Variants in WBP2NL observed in about 807,000 individuals in gnomAD.
The protein encoded by WBP2NL is WBP2 N-terminal like.
Under a neutral mutation model 23.3 loss-of-function variants are expected in WBP2NL, and 27 were observed. That is an observed-to-expected ratio of 1.16 (90% confidence interval 0.85 to 1.60). The LOEUF (loss-of-function observed/expected upper bound fraction) is 1.60. Among genes scored for constraint, WBP2NL ranks in the 40% most tolerant of loss-of-function variants. WBP2NL has a pLI of 0.00. For synonymous variants in WBP2NL, 151 were observed against 145.9 expected (o/e 1.03, Z -0.25); for missense variants, 370 against 389.5 (o/e 0.95, Z 0.42).
downstream of WBP2NL, chr22:42,032,363 T>C: frequency 6.2e-6 from 1 of 162,152 alleles, no homozygotes; most frequent in African/African-American, 2.4e-5. Context: ...TCCTTATCCT[T>C]GAGAGTCTGA....
chr22:42,021,868 C>T (rs1924010930), intron 4 of WBP2NL, among the ~76,000 whole-genome samples: 1 of 149,860 alleles, frequency 6.7e-6, no homozygotes, highest in Admixed American at 6.7e-5. Flanking sequence ...ACAGATAAGG[C>T]TCACTGCAGC....
At chr22:42,026,034 G>A (rs1453567857) in intron 5 of WBP2NL, among the ~76,000 whole-genome samples, 1 of 152,116 alleles carries the variant, frequency 6.6e-6, no homozygotes, top group Non-Finnish European at 1.5e-5. Context: ...CACTTTGGGA[G>A]GCCGAGGCGG....
At chr22:42,006,653 C>T (rs1196302078) in intron 1 of WBP2NL, among the ~76,000 whole-genome samples, 1 of 152,212 alleles carries the variant, frequency 6.6e-6, no homozygotes, top group Non-Finnish European at 1.5e-5. Context: ...TAGGGATGGA[C>T]TAAATGGCTT....
chr22:42,022,009 A>T (rs1924024133), intron 4 of WBP2NL, among the ~76,000 whole-genome samples: 1 of 152,032 alleles, frequency 6.6e-6, no homozygotes, highest in African/African-American at 2.4e-5. Flanking sequence ...CATGTTGCCC[A>T]GGCTGGTCTT....
intron 1 of WBP2NL, among the ~76,000 whole-genome samples, chr22:42,002,419 AC>A: frequency 6.6e-6 from 1 of 152,170 alleles, no homozygotes; most frequent in Admixed American, 6.5e-5. Flanking sequence ...CCCTGTCCCT[AC>A]TAAAAATACA....
downstream of WBP2NL, among the ~76,000 whole-genome samples, chr22:42,033,954 C>T (rs1370582444): frequency 1.3e-5 from 2 of 152,248 alleles, no homozygotes; most frequent in Admixed American, 1.3e-4. Flanking sequence ...CCTCCCTGGC[C>T]TGAAGGTGTG....
intron 1 of WBP2NL, among the ~76,000 whole-genome samples, chr22:42,018,706 T>C (rs1923577578): frequency 6.6e-6 from 1 of 152,002 alleles, no homozygotes; most frequent in South Asian, 2.1e-4. Context: ...GCTTTACACT[T>C]ACCGCACAAG....
At chr22:42,004,666 G>A (rs531384852) in intron 1 of WBP2NL, among the ~76,000 whole-genome samples, 1 of 152,308 alleles carries the variant, frequency 6.6e-6, no homozygotes, top group East Asian at 1.9e-4. Flanking sequence ...GCTCACGGTT[G>A]TAATCCCAGC....
intron 8 of WBP2NL, among the ~76,000 whole-genome samples, chr22:42,038,023 A>G (rs975143094): frequency 1.3e-5 from 2 of 152,176 alleles, no homozygotes; most frequent in Non-Finnish European, 2.9e-5. Flanking sequence ...ATTAACAGTG[A>G]TAAGAGTGAG....
Position 42,019,780 on chromosome 22 carries a change from G to T in WBP2NL, c.290G>T (p.Gly97Val). The change falls in exon 3 of 6, where the codon GGA becomes GTA. Residue 97 changes from glycine (G) to valine (V), a missense_variant. By Grantham distance (109) the Gly-to-Val change is moderately radical. Transcript: ENST00000328823. ...QPVFAANFIK[G>V]TIQAAPYGGW... ...GTATTTGCTGCAAACTTCATTAAGG[G>T]AACTATTCAGGCAGCTCCATATGGT... 1 of 1,614,142 alleles carries T rather than the reference G, an allele frequency of 6.2e-7. No individual in the cohort carries two copies. Among genetic ancestry groups the T allele is most frequent in the Non-Finnish European group, 8.5e-7 (1 of 1,180,016 alleles).
chr22:42,038,695 C>T (rs899642202), intron 8 of WBP2NL, among the ~76,000 whole-genome samples: 8 of 151,524 alleles, frequency 5.3e-5, no homozygotes, highest in Non-Finnish European at 7.4e-5. Flanking sequence ...CTCCGTCTCC[C>T]GGGTTCACGC....
intron 8 of WBP2NL, among the ~76,000 whole-genome samples, chr22:42,053,369 GTT>G (rs2146826007): frequency 6.6e-6 from 1 of 152,142 alleles, no homozygotes; most frequent in East Asian, 1.9e-4. Context: ...TGGTAACTCT[GTT>G]TAACATTTTG....
At chr22:42,048,386 C>CAA (rs112746719) in intron 8 of WBP2NL, among the ~76,000 whole-genome samples, 8 of 133,316 alleles carry the variant, frequency 6.0e-5, no homozygotes, top group African/African-American at 1.9e-4. Flanking sequence ...GACTCCATCT[C>CAA]AAAAAAAAAA....
downstream of WBP2NL, chr22:42,031,208 G>A (rs962591387): frequency 2.0e-5 from 3 of 152,184 alleles, no homozygotes. Flanking sequence ...CCCACTGTCT[G>A]GTACAGTTGT....
At chr22:42,009,668 GGTTT>G (rs1235638663) in intron 1 of WBP2NL, among the ~76,000 whole-genome samples, 3 of 152,026 alleles carry the variant, frequency 2.0e-5, no homozygotes, top group Admixed American at 6.6e-5. Flanking sequence ...CTAGTCCATT[GGTTT>G]GTTTATCTTT....
At chr22:42,032,071 A>G (rs1486437718), downstream of WBP2NL, 1 of 152,228 alleles carries the variant, frequency 6.6e-6, no homozygotes, top group African/African-American at 2.4e-5. Context: ...TCTGTTACCA[A>G]GATCCCCACC....
chr22:42,034,345 G>A (rs1290482070), downstream of WBP2NL, among the ~76,000 whole-genome samples: 5 of 152,162 alleles, frequency 3.3e-5, no homozygotes, highest in Non-Finnish European at 5.9e-5. Context: ...CTGGGCATCC[G>A]GGGGAGACAT....
At chr22:42,025,188 C>T (rs1602465141) in intron 5 of WBP2NL, among the ~76,000 whole-genome samples, 2 of 152,120 alleles carry the variant, frequency 1.3e-5, no homozygotes, top group East Asian at 1.9e-4. Context: ...TGTGAGAATT[C>T]GTTGCCAAAT....
At chr22:42,015,740 G>A (rs891285699) in intron 1 of WBP2NL, among the ~76,000 whole-genome samples, 1 of 152,062 alleles carries the variant, frequency 6.6e-6, no homozygotes, top group African/African-American at 2.4e-5. Context: ...AGAGGTGAAA[G>A]CTTAGTGCCT....
Sources: allele counts gnomAD v4.1 joint callset (sites outside exome capture counted in the v4.1 genomes callset), GRCh38; gene constraint gnomAD v4.1.1; transcripts MANE v1.5; gene names NCBI Gene and HGNC (gene_info 2026-07-23, HGNC 2026-07-21).